Variants in DLGAP2 observed in about 807,000 individuals in gnomAD.
DLGAP2 encodes the protein disks large-associated protein 2.
Under a neutral mutation model 100.3 loss-of-function variants are expected in DLGAP2, and 26 were observed. The ratio of observed to expected loss-of-function variants is 0.26; its 90% CI spans 0.19 to 0.36. The LOEUF (loss-of-function observed/expected upper bound fraction) is 0.36. Ranked by LOEUF, DLGAP2 falls within the 10% of genes least tolerant of loss-of-function variation. The probability of loss-of-function intolerance (pLI) is 1.00; values close to 1 mark genes in which losing one functional copy is unlikely to be tolerated. For missense variants in DLGAP2, 1,858 were observed against 1,453.2 expected (o/e 1.28, Z -4.53); for synonymous variants, 886 against 630.1 (o/e 1.41, Z -6.08).
intron 3 of DLGAP2, among the ~76,000 whole-genome samples, chr8:1,473,794 A>G (rs1798862860): frequency 6.6e-6 from 1 of 151,822 alleles, no homozygotes; most frequent in Non-Finnish European, 1.5e-5. Flanking sequence ...AGACCTGATG[A>G]TTTTCTGAGG....
intron 4 of DLGAP2, among the ~76,000 whole-genome samples, chr8:1,528,474 G>T (rs7814478): frequency 0.012 from 1,785 of 152,332 alleles, 39 homozygotes; most frequent in African/African-American, 0.041. Flanking sequence ...ACTTCTCAAA[G>T]GGCGGTGCCT....
intron 2 of DLGAP2, among the ~76,000 whole-genome samples, chr8:1,000,438 G>A (rs36188395): frequency 1.0e-4 from 15 of 150,170 alleles, no homozygotes; most frequent in Admixed American, 3.3e-4. Flanking sequence ...AGACAGATCC[G>A]GGTGGGGTGG....
In DLGAP2 at chr8:913,572, A is replaced by T. The variant is rs117479576; in HGVS notation, c.73+5606A>T. On this transcript the variant is annotated intron_variant, in intron 2 of 14. Coordinates refer to ENST00000637795, the MANE Select transcript of DLGAP2 (RefSeq NM_001346810.2). The stretch of plus-strand genomic sequence containing the variant: ...CATTGTTACTTTGAATGCTTATACT[A>T]ATAGTAGATGTTACATGCCTTTTTA... Among the ~76,000 whole-genome samples, 1,065 of 152,356 alleles carry T rather than the reference A, an allele frequency of 7.0e-3. 12 individuals are homozygous for T. Among genetic ancestry groups the T allele is most frequent in the Non-Finnish European group, 7.2e-3 (493 of 68,036 alleles).
chr8:1,492,310 A>T (rs1799411363), intron 3 of DLGAP2, among the ~76,000 whole-genome samples: 1 of 152,202 alleles, frequency 6.6e-6, no homozygotes, highest in Admixed American at 6.5e-5. Flanking sequence ...CATTGTCCTA[A>T]CGGAGCAGAA....
At chr8:1,338,433 G>A (rs1161733157) in intron 3 of DLGAP2, among the ~76,000 whole-genome samples, 1 of 152,166 alleles carries the variant, frequency 6.6e-6, no homozygotes, top group Non-Finnish European at 1.5e-5. Flanking sequence ...AAATGTCCAG[G>A]ACAGGCAAAT....
At chr8:741,502 C>G (rs1211478976) in intron 1 of DLGAP2, among the ~76,000 whole-genome samples, 2 of 152,168 alleles carry the variant, frequency 1.3e-5, no homozygotes, top group Non-Finnish European at 2.9e-5. Flanking sequence ...CCTGGGTGTT[C>G]TGACATCCCG....
At chr8:1,049,271 C>G (rs542821765) in intron 2 of DLGAP2, among the ~76,000 whole-genome samples, 3 of 152,024 alleles carry the variant, frequency 2.0e-5, no homozygotes, top group Admixed American at 6.6e-5. Context: ...AATAAAATGG[C>G]GAGTTTTATG....
chr8:948,385 C>A (rs1043612783), intron 2 of DLGAP2, among the ~76,000 whole-genome samples: 2 of 152,194 alleles, frequency 1.3e-5, no homozygotes, highest in Non-Finnish European at 2.9e-5. Context: ...GCTCGGCCAG[C>A]CCCGGGTGCA....
intron 2 of DLGAP2, among the ~76,000 whole-genome samples, chr8:1,226,595 C>T (rs147469479): frequency 2.0e-5 from 3 of 152,132 alleles, no homozygotes; most frequent in Non-Finnish European, 4.4e-5. Context: ...ACCTGAATGT[C>T]GTGTACATGT....
intron 2 of DLGAP2, among the ~76,000 whole-genome samples, chr8:1,011,091 T>C (rs1374555074): frequency 6.7e-6 from 1 of 149,548 alleles, no homozygotes; most frequent in Non-Finnish European, 1.5e-5. Flanking sequence ...AGCCCTGGAA[T>C]GAGGTACCTT....
At chr8:1,331,723 A>G (rs1801162366) in intron 3 of DLGAP2, among the ~76,000 whole-genome samples, 1 of 152,158 alleles carries the variant, frequency 6.6e-6, no homozygotes. Flanking sequence ...GGTCCTTCCG[A>G]CGTTTAAAAC....
chr8:1,546,724 A>T (rs1220987528), intron 4 of DLGAP2, among the ~76,000 whole-genome samples: 1 of 152,128 alleles, frequency 6.6e-6, no homozygotes, highest in Non-Finnish European at 1.5e-5. Context: ...TGGCTCTCCA[A>T]GCGCAGGGCA....
At chr8:851,327 G>C (rs534636417) in intron 1 of DLGAP2, among the ~76,000 whole-genome samples, 50 of 152,312 alleles carry the variant, frequency 3.3e-4, no homozygotes, top group African/African-American at 1.2e-3. Flanking sequence ...GCATGTCTCA[G>C]GACGTAGCCC....
At chr8:1,528,761 G>A (rs1271467109) in intron 4 of DLGAP2, among the ~76,000 whole-genome samples, 2 of 152,208 alleles carry the variant, frequency 1.3e-5, no homozygotes, top group Non-Finnish European at 2.9e-5. Context: ...GAAACAGGAG[G>A]ATGAGCCAAG....
At chr8:1,475,375 C>T (rs1798902508) in intron 3 of DLGAP2, among the ~76,000 whole-genome samples, 1 of 152,154 alleles carries the variant, frequency 6.6e-6, no homozygotes, top group South Asian at 2.1e-4. Flanking sequence ...ACAGCATCTA[C>T]TGAGAAATCA....
chr8:1,371,767 A>G (rs1177517414), intron 3 of DLGAP2, among the ~76,000 whole-genome samples: 1 of 152,042 alleles, frequency 6.6e-6, no homozygotes, highest in East Asian at 1.9e-4. Flanking sequence ...GGGGAAGTGG[A>G]TATTTGTGCA....
chr8:1,131,966 C>G (rs909111609), intron 2 of DLGAP2, among the ~76,000 whole-genome samples: 1 of 152,060 alleles, frequency 6.6e-6, no homozygotes, highest in Non-Finnish European at 1.5e-5. Context: ...TAGAGAGGAT[C>G]GATGGTGTCT....
intron 6 of DLGAP2, among the ~76,000 whole-genome samples, chr8:1,595,349 A>G (rs1282126461): frequency 6.6e-6 from 1 of 152,058 alleles, no homozygotes; most frequent in African/African-American, 2.4e-5. Context: ...CACCTCAAAA[A>G]TCCTCCCAAA....
intron 11 of DLGAP2, among the ~76,000 whole-genome samples, chr8:1,677,176 G>T (rs771073672): frequency 1.3e-5 from 2 of 152,112 alleles, no homozygotes; most frequent in African/African-American, 2.4e-5. Context: ...CATGGTGAGG[G>T]CTCAGCCAAT....
Sources: allele counts gnomAD v4.1 joint callset (sites outside exome capture counted in the v4.1 genomes callset), GRCh38; gene constraint gnomAD v4.1.1; transcripts MANE v1.5; gene names NCBI Gene and HGNC (gene_info 2026-07-23, HGNC 2026-07-21).